CHN2: variants seen among roughly 807,000 people sequenced by gnomAD.
CHN2 encodes beta-chimaerin.
Under a neutral mutation model 56.3 loss-of-function variants are expected in CHN2, and 35 were observed. That is an observed-to-expected ratio of 0.62 (90% CI 0.47 to 0.82). The LOEUF (loss-of-function observed/expected upper bound fraction) is 0.82. CHN2 is among the 40% of genes least tolerant of loss of function. The pLI is 0.00. For synonymous variants in CHN2, 210 were observed against 212.8 expected (o/e 0.99, Z 0.12); for missense variants, 491 against 580.5 (o/e 0.85, Z 1.58).
intron 1 of CHN2, among the ~76,000 whole-genome samples, chr7:29,285,058 G>C (rs39113): frequency 6.6e-6 from 1 of 151,950 alleles, no homozygotes; most frequent in Non-Finnish European, 1.5e-5. Flanking sequence ...TACTTGCTGT[G>C]GGGTGTGTGA....
chr7:29,377,358 T>C (rs190085766), intron 3 of CHN2, among the ~76,000 whole-genome samples: 2 of 152,348 alleles, frequency 1.3e-5, no homozygotes, highest in East Asian at 3.9e-4. Context: ...TTCATGTTCA[T>C]TCATATTCAG....
At chr7:29,381,951 C>T (rs1800546965) in intron 3 of CHN2, among the ~76,000 whole-genome samples, 1 of 151,724 alleles carries the variant, frequency 6.6e-6, no homozygotes, top group African/African-American at 2.4e-5. Context: ...GACTGACAGA[C>T]CTTGGGCAAT....
chr7:29,409,087 C>A (rs970233664), intron 6 of CHN2, among the ~76,000 whole-genome samples: 3 of 152,208 alleles, frequency 2.0e-5, no homozygotes, highest in African/African-American at 7.2e-5. Context: ...TAGCACAGAT[C>A]AGGCTACACA....
chr7:29,378,888 C>T (rs567484017), intron 3 of CHN2, among the ~76,000 whole-genome samples: 1 of 152,310 alleles, frequency 6.6e-6, no homozygotes, highest in South Asian at 2.1e-4. Context: ...TCGCTTGAAC[C>T]CAGGAGGCGG....
chr7:29,176,409 C>G (rs1334040542), intron 2 of CHN2, among the ~76,000 whole-genome samples: 2 of 152,156 alleles, frequency 1.3e-5, no homozygotes, highest in East Asian at 3.9e-4. Context: ...TAATAGTGGA[C>G]TTCTTATTGG....
intron 1 of CHN2, among the ~76,000 whole-genome samples, chr7:29,331,384 C>G (rs1335771573): frequency 6.6e-6 from 1 of 152,140 alleles, no homozygotes; most frequent in Non-Finnish European, 1.5e-5. Context: ...GTTACTGGAG[C>G]CTGGGGACGG....
At chr7:29,171,320 G>T (rs917067548) in intron 2 of CHN2, among the ~76,000 whole-genome samples, 1 of 152,132 alleles carries the variant, frequency 6.6e-6, no homozygotes, top group Non-Finnish European at 1.5e-5. Flanking sequence ...CTATAAAGAA[G>T]AACAACCTGT....
At chr7:29,222,760 A>G (rs759642913) in intron 1 of CHN2, among the ~76,000 whole-genome samples, 1 of 152,192 alleles carries the variant, frequency 6.6e-6, no homozygotes, top group Non-Finnish European at 1.5e-5. Context: ...CAAAAATTTA[A>G]GTGGAAATAC....
At chr7:29,284,419 C>A (rs760995772) in intron 1 of CHN2, among the ~76,000 whole-genome samples, 11 of 152,140 alleles carry the variant, frequency 7.2e-5, no homozygotes, top group Non-Finnish European at 1.2e-4. Context: ...AAAAGAGGCT[C>A]CAGGTTTTCC....
intron 7 of CHN2, among the ~76,000 whole-genome samples, chr7:29,480,867 A>T (rs1787128635): frequency 6.6e-6 from 1 of 151,556 alleles, no homozygotes; most frequent in Non-Finnish European, 1.5e-5. Flanking sequence ...AGAAGCTTTT[A>T]TTTGTGCTCC....
rs1787075783 is a variant in CHN2 at position 29,480,499 on chromosome 7, C to T, written c.654+143C>T. The T allele has an allele frequency of 3.5e-6, 3 of 857,400 alleles. No homozygotes were observed. The East Asian group carries it at 7.9e-5, about 23-fold the overall frequency. The allele number at this position is 857,400 out of a possible 1,614,324, so 53.1% of individuals were successfully genotyped here. A position where few individuals can be genotyped will look rare whatever the true frequency, so the allele number is the denominator to read the frequency against. On this transcript the variant is annotated intron_variant, in intron 7 of 12. Transcript: ENST00000222792. ...CCACATTTAGCTATAAGCTTAACAC[C>T]TGCGCTTTCTGTCAGTTCAAACTGG...
chr7:29,411,463 C>T (rs192404160), intron 6 of CHN2, among the ~76,000 whole-genome samples: 172 of 152,242 alleles, frequency 1.1e-3, no homozygotes, highest in African/African-American at 4.0e-3. Context: ...ATTTTTGCCA[C>T]CCAGAGCCAC....
Position 29,513,777 on chromosome 7 carries a change from TG to T in CHN2, c.*1044del. ...CTATTTTTTAAAGTGAGAATAAGGT[TG>T]GTTTTTACCAAATATTTGTTCCTCC... On this transcript the variant is annotated 3_prime_UTR_variant, in exon 13 of 13. Transcript: ENST00000222792. The T allele has an allele frequency of 6.6e-6, 1 of 152,644 alleles. No homozygotes were observed. Among genetic ancestry groups the T allele is most frequent in the East Asian group, 1.9e-4 (1 of 5,204 alleles). The allele number at this position is 152,644 out of a possible 1,614,324, so 9.5% of individuals were successfully genotyped here.
chr7:29,198,877 G>C (rs962697659), intron 1 of CHN2, among the ~76,000 whole-genome samples: 21 of 152,026 alleles, frequency 1.4e-4, no homozygotes, highest in Admixed American at 1.0e-3. Flanking sequence ...AACTGAAAAG[G>C]GTAAAACATT....
intron 6 of CHN2, among the ~76,000 whole-genome samples, chr7:29,425,098 A>T (rs947519646): frequency 6.6e-6 from 1 of 152,224 alleles, no homozygotes; most frequent in Admixed American, 6.5e-5. Flanking sequence ...TCTCTATGAC[A>T]GCCATTGGTG....
intron 1 of CHN2, among the ~76,000 whole-genome samples, chr7:29,333,900 G>T (rs535065671): frequency 6.6e-6 from 1 of 152,088 alleles, no homozygotes; most frequent in Non-Finnish European, 1.5e-5. Context: ...GATGATGATA[G>T]AAAATGCGCA....
At chr7:29,277,331 G>A (rs1301839862) in intron 1 of CHN2, among the ~76,000 whole-genome samples, 1 of 152,214 alleles carries the variant, frequency 6.6e-6, no homozygotes, top group Non-Finnish European at 1.5e-5. Context: ...GCCAACCAGA[G>A]TCCACCGTGT....
At chr7:29,445,996 G>A (rs1055706296) in intron 6 of CHN2, among the ~76,000 whole-genome samples, 6 of 151,938 alleles carry the variant, frequency 3.9e-5, no homozygotes, top group African/African-American at 1.5e-4. Flanking sequence ...TAGCTCAATG[G>A]TTCTCAGCCT....
intron 1 of CHN2, 126 bp from the exon 2 acceptor site, chr7:29,354,499 G>T (rs1000651477): frequency 2.5e-6 from 2 of 794,692 alleles, no homozygotes; most frequent in Admixed American, 4.7e-5. Flanking sequence ...CCCTAAATGA[G>T]AAGAGAGTCC....
Sources: allele counts gnomAD v4.1 joint callset (sites outside exome capture counted in the v4.1 genomes callset), GRCh38; gene constraint gnomAD v4.1.1; transcripts MANE v1.5; gene names NCBI Gene and HGNC (gene_info 2026-07-23, HGNC 2026-07-21).